SYNE2: variants seen among roughly 807,000 people sequenced by gnomAD.
SYNE2 encodes nesprin-2.
SYNE2 carries 431 observed loss-of-function variants against 856.3 expected under a neutral mutation model. The ratio of observed to expected loss-of-function variants is 0.50; its 90% CI spans 0.47 to 0.55. The LOEUF (loss-of-function observed/expected upper bound fraction) is 0.55. Among genes scored for constraint, SYNE2 ranks in the 20% least tolerant of loss-of-function variants. The probability of loss-of-function intolerance (pLI) is 0.00; values close to 1 mark genes in which losing one functional copy is unlikely to be tolerated. For missense variants in SYNE2, 8,129 were observed against 8,023.2 expected (o/e 1.01, Z -0.50); for synonymous variants, 2,923 against 2,872.3 (o/e 1.02, Z -0.56).
At chr14:63,962,203 G>T (rs531395697) in intron 9 of SYNE2, among the ~76,000 whole-genome samples, 3 of 151,930 alleles carry the variant, frequency 2.0e-5, no homozygotes, top group Non-Finnish European at 4.4e-5. Flanking sequence ...TTACAGGCAT[G>T]TGCCACCATA....
At chr14:64,219,099 T>TTTTTG in intron 109 of SYNE2, 109 bp from the exon 110 acceptor site, 1 of 793,328 alleles carries the variant, frequency 1.3e-6, no homozygotes, top group Non-Finnish European at 1.8e-6. Context: ...CCCTACAGTT[T>TTTTTG]TTTTGTTTTT....
At chr14:64,222,652 G>C (rs2098699944) in intron 112 of SYNE2, among the ~76,000 whole-genome samples, 1 of 152,222 alleles carries the variant, frequency 6.6e-6, no homozygotes, top group Non-Finnish European at 1.5e-5. Flanking sequence ...CTTGAACCCA[G>C]GAGGCGGAGG....
chr14:63,948,770 G>GTGTGTGTATATATATA (rs1555393662), intron 6 of SYNE2, among the ~76,000 whole-genome samples: 1 of 79,710 alleles, frequency 1.3e-5, no homozygotes, highest in African/African-American at 5.0e-5. Context: ...GTATATATAT[G>GTGTGTGTATATATATA]TATGTGTGTG....
intron 11 of SYNE2, among the ~76,000 whole-genome samples, chr14:63,974,892 GTATATATATATATATA>G (rs145247655): frequency 0.014 from 974 of 67,302 alleles, 53 homozygotes; most frequent in Admixed American, 0.026. Context: ...GTGTGTGTGT[GTATATATATATATATA>G]TATATATATG....
chr14:64,040,670 G>A (rs1245576951), intron 45 of SYNE2, among the ~76,000 whole-genome samples: 1 of 146,844 alleles, frequency 6.8e-6, no homozygotes, highest in African/African-American at 2.5e-5. Flanking sequence ...ATATATATAT[G>A]TGTATATATT....
At chr14:64,208,405 G>A (rs914714750) in intron 100 of SYNE2, among the ~76,000 whole-genome samples, 2 of 152,212 alleles carry the variant, frequency 1.3e-5, no homozygotes, top group African/African-American at 2.4e-5. Context: ...GGGTTGGGTG[G>A]TATGGAGTAG....
In SYNE2 at chr14:64,126,764, G is replaced by A. The variant is rs1224386183; in HGVS notation, c.13874G>A (p.Ser4625Asn). 6.2e-7 allele frequency: 1 copy of A among 1,613,886 alleles called. No individual in the cohort carries two copies. The highest frequency in any genetic ancestry group is 8.5e-7 in the Non-Finnish European group (1 of 1,180,032). ...ACTCAGGCTGCAGCTGTCTGTAGAA[G>A]CAAGTCCCTGAAAGCTGGCCTCGAT... is the stretch of plus-strand genomic sequence containing the variant. Reference protein sequence around the residue: ...EHTQAAAVCRSKSLKAGLDYN... With the variant: ...EHTQAAAVCRNKSLKAGLDYN... Residue 4625 changes from serine (S) to asparagine (N), a missense_variant, in exon 73 of 116, where the codon AGC becomes AAC. Physicochemically the swap from Ser to Asn is conservative, Grantham distance 46 (BLOSUM62 1). Transcript: ENST00000555002.
chr14:64,170,737 G>A (rs2098406725), intron 94 of SYNE2, among the ~76,000 whole-genome samples: 1 of 152,020 alleles, frequency 6.6e-6, no homozygotes, highest in Admixed American at 6.6e-5. Flanking sequence ...ATTGGGGGAG[G>A]TTTAGGGCAA....
At chr14:63,805,227 A>G (rs1442059457) in intron 1 of SYNE2, among the ~76,000 whole-genome samples, 2 of 152,130 alleles carry the variant, frequency 1.3e-5, no homozygotes, top group African/African-American at 4.8e-5. Context: ...TTTGAATTTT[A>G]GAATAGGTTT....
chr14:63,954,430 G>A (rs951897433), intron 7 of SYNE2, among the ~76,000 whole-genome samples: 2 of 152,164 alleles, frequency 1.3e-5, no homozygotes, highest in African/African-American at 4.8e-5. Flanking sequence ...GTTTGATTCA[G>A]TAGGTATGGG....
intron 2 of SYNE2, among the ~76,000 whole-genome samples, chr14:63,920,941 C>T (rs2095593138): frequency 6.6e-6 from 1 of 151,954 alleles, no homozygotes; most frequent in African/African-American, 2.4e-5. Flanking sequence ...TGGCAAAACC[C>T]TGTCTCTACT....
chr14:63,774,108 G>T (rs1887020858), intron 1 of SYNE2, among the ~76,000 whole-genome samples: 2 of 152,152 alleles, frequency 1.3e-5, no homozygotes. Flanking sequence ...GCTGAGGCGG[G>T]CAGATCACGA....
intron 100 of SYNE2, among the ~76,000 whole-genome samples, chr14:64,206,446 A>G (rs1430839004): frequency 6.6e-6 from 1 of 151,696 alleles, no homozygotes; most frequent in Non-Finnish European, 1.5e-5. Flanking sequence ...AATGTAGTCT[A>G]TCACTTTATT....
At position 64,186,578 on chromosome 14, in the gene SYNE2, G is replaced by T; in HGVS notation, c.17711G>T (p.Arg5904Met). 1 of 1,614,158 alleles carries T rather than the reference G, an allele frequency of 6.2e-7. No homozygotes were observed. Among genetic ancestry groups the T allele is most frequent in the South Asian group, 1.1e-5 (1 of 91,076 alleles). The part of the protein sequence containing the change: ...LHRQWEDLCL[R>M]VAIRKQEIED... ...AGACAATGGGAGGACCTCTGCTTAA[G>T]GGTAAGTCAGCTCACTGCAGGGCAC... is the stretch of plus-strand genomic sequence containing the variant. Residue 5904 changes from arginine to methionine, a missense_variant and splice_region_variant, in exon 97 of 116, where the codon AGG becomes ATG. Arg to Met is a moderately conservative substitution (Grantham distance 91). Coordinates refer to ENST00000555002, the MANE Select transcript of SYNE2 (RefSeq NM_182914.3).
At chr14:64,085,108 T>G in intron 57 of SYNE2, 2 of 676,802 alleles carry the variant, frequency 3.0e-6, no homozygotes, top group Non-Finnish European at 5.4e-6. Flanking sequence ...GGTCTTGCTC[T>G]GTCACCCAGG....
intron 1 of SYNE2, among the ~76,000 whole-genome samples, chr14:63,868,685 G>A (rs998468261): frequency 6.6e-6 from 1 of 152,098 alleles, no homozygotes; most frequent in African/African-American, 2.4e-5. Flanking sequence ...AATGGAAAAT[G>A]AAAGTAATAT....
chr14:63,984,726 C>G (rs2096612107), intron 18 of SYNE2, among the ~76,000 whole-genome samples: 1 of 152,194 alleles, frequency 6.6e-6, no homozygotes, highest in African/African-American at 2.4e-5. Context: ...TTTACTTAAA[C>G]TACTTTTAAA....
intron 18 of SYNE2, among the ~76,000 whole-genome samples, chr14:63,984,985 A>G (rs957554721): frequency 5.3e-5 from 8 of 152,082 alleles, no homozygotes; most frequent in African/African-American, 9.7e-5. Context: ...GTGAAACCCT[A>G]TCTCTATTTA....
At chr14:64,105,019 G>A (rs894084437) in intron 64 of SYNE2, among the ~76,000 whole-genome samples, 1 of 152,248 alleles carries the variant, frequency 6.6e-6, no homozygotes, top group Non-Finnish European at 1.5e-5. Flanking sequence ...AAACTTTGGA[G>A]TTCTACTAGG....
Sources: gnomAD v4.1 joint callset for allele counts (sites outside exome capture counted in the v4.1 genomes callset) on GRCh38, gnomAD v4.1.1 for gene constraint, MANE v1.5 for transcripts, NCBI Gene and HGNC (gene_info 2026-07-23, HGNC 2026-07-21) for gene names.